Variants in RPS15 observed in about 807,000 individuals in gnomAD.
RPS15 encodes the protein small ribosomal subunit protein uS19.
A neutral mutation model predicts 14.9 loss-of-function variants in RPS15; 5 were observed. The ratio of observed to expected loss-of-function variants is 0.34; its 90% CI spans 0.18 to 0.70. RPS15 has a LOEUF of 0.70. RPS15 is among the 30% of genes least tolerant of loss of function. The probability of loss-of-function intolerance (pLI) is 0.65; values close to 1 mark genes in which losing one functional copy is unlikely to be tolerated. For missense variants in RPS15, 102 were observed against 204.2 expected (o/e 0.50, Z 3.05); for synonymous variants, 103 against 85.0 (o/e 1.21, Z -1.16).
At position 1,438,415 on chromosome 19, in the gene RPS15, G is replaced by C. The variant is rs756190182; in HGVS notation, c.-11G>C. ...GCGGACCAAAGCGATCTCTTCTGAG[G>C]ATCCGGCAAGATGGTGAGTGTTGCG... On this transcript the variant is annotated 5_prime_UTR_variant, in exon 1 of 4. Transcript: ENST00000592588. The surrounding 1 kb of genome is among the most constrained non-coding windows in gnomAD (Gnocchi z 4.8). 5 of 1,613,358 alleles carry C rather than the reference G, an allele frequency of 3.1e-6. No homozygotes were observed. In the East Asian group the frequency reaches 8.9e-5, roughly 29 times the overall value.
rs773307002 is a variant in RPS15, at chr19:1,438,567, G to C, written c.3+139G>C. On this transcript the variant is annotated intron_variant, in intron 1 of 3. Transcript: ENST00000592588. The surrounding 1 kb of genome is among the most constrained non-coding windows in gnomAD (Gnocchi z 4.8). ...CCTGCAGGCGGCTGGATGTTGGGGC[G>C]AGGGGCGGACTTGGTGGGTGTCGGG... 1 of 1,565,978 alleles carries C rather than the reference G, an allele frequency of 6.4e-7. No homozygotes were observed.
chr19:1,438,971 G>A lies in RPS15; in HGVS notation c.89+79G>A. ...TCCGGGTGAGGGCGGCGGGGCGGGG[G>A]TCCAAGCGCCTCTGCGGCGGTGGGC... On this transcript the variant is annotated intron_variant, in intron 2 of 3. Coordinates refer to ENST00000592588, the MANE Select transcript of RPS15 (RefSeq NM_001018.5). The surrounding 1 kb of genome is among the most constrained non-coding windows in gnomAD (Gnocchi z 4.8). The A allele has an allele frequency of 3.2e-6, 4 of 1,243,748 alleles. No individual in the cohort carries two copies. Among genetic ancestry groups the A allele is most frequent in the Non-Finnish European group, 4.5e-6 (4 of 881,342 alleles). The allele number at this position is 1,243,748 out of a possible 1,614,324, so 77.0% of individuals were successfully genotyped here. A position where few individuals can be genotyped will look rare whatever the true frequency, so the allele number is the denominator to read the frequency against.
Position 1,438,950 on chromosome 19 carries a change from G to A in RPS15, c.89+58G>A. ...CTGGGCCAGCGGTGGGGCTTGTCCG[G>A]GTGAGGGCGGCGGGGCGGGGGTCCA... On this transcript the variant is annotated intron_variant, in intron 2 of 3. Transcript: ENST00000592588. The surrounding 1 kb of genome is among the most constrained non-coding windows in gnomAD (Gnocchi z 4.8). 1 of 1,472,676 alleles carries A rather than the reference G, an allele frequency of 6.8e-7. No individual in the cohort carries two copies. Among genetic ancestry groups the A allele is most frequent in the South Asian group, 1.2e-5 (1 of 82,146 alleles). The allele number at this position is 1,472,676 out of a possible 1,614,324, so 91.2% of individuals were successfully genotyped here.
chr19:1,439,855 C>T (rs1301514565), intron 2 of RPS15, 164 bp from the exon 3 acceptor site: 12 of 676,666 alleles, frequency 1.8e-5, no homozygotes, highest in African/African-American at 5.3e-5. Context: ...GCGGGGGTGC[C>T]AGAGGGACTT....
intron 2 of RPS15, chr19:1,439,601 T>A (rs2083636754): frequency 4.5e-6 from 2 of 445,966 alleles, no homozygotes; most frequent in South Asian, 2.9e-5. Flanking sequence ...CTCTGTGTCG[T>A]CCAGGTTGGT....
rs1395131026 is a variant in RPS15, at chr19:1,438,919, C to T, written c.89+27C>T. On this transcript the variant is annotated intron_variant, in intron 2 of 3. Coordinates refer to ENST00000592588, the MANE Select transcript of RPS15 (RefSeq NM_001018.5). This position sits in a 1 kb window ranked among gnomAD's most constrained non-coding sequence, Gnocchi z 4.8. Reference sequence around the variant, plus strand: ...TAAGGGCGGCCGCGGGGGTCGCGGGCAGGGGCTGGGCCAGCGGTGGGGCTT... The same window carrying T: ...TAAGGGCGGCCGCGGGGGTCGCGGGTAGGGGCTGGGCCAGCGGTGGGGCTT... 1.3e-6 allele frequency: 2 copies of T among 1,548,466 alleles called. 1 individual carries two copies. Among genetic ancestry groups the T allele is most frequent in the South Asian group, 2.4e-5 (2 of 84,778 alleles).
intron 2 of RPS15, chr19:1,439,675 G>C: frequency 3.5e-6 from 2 of 570,082 alleles, no homozygotes; most frequent in Admixed American, 3.1e-5. Flanking sequence ...GATCACAGGC[G>C]GGAGCCACTG....
chr19:1,438,754 C>T lies in RPS15; in HGVS notation c.4-53C>T, dbSNP rs1227975212. On this transcript the variant is annotated intron_variant, in intron 1 of 3. Transcript: ENST00000592588. The surrounding 1 kb of genome is among the most constrained non-coding windows in gnomAD (Gnocchi z 4.8). ...TCCGCGGTGTCCTCGGGCCCGGTGG[C>T]CCCGGGAGATGGGTGTCGGGATCCC... 2.1e-5 allele frequency: 32 copies of T among 1,551,184 alleles called. No homozygotes were observed. The highest frequency in any genetic ancestry group is 2.6e-5 in the Non-Finnish European group (30 of 1,146,378).
rs761945581 is a variant in RPS15 at position 1,438,496 on chromosome 19, C to T, written c.3+68C>T. ...CTCCATCCAACCTCTGACCGTCTCG[C>T]GGGGGCCGCAGTTCGTCCCCGCGGC... On this transcript the variant is annotated intron_variant, in intron 1 of 3. Coordinates refer to ENST00000592588, the MANE Select transcript of RPS15 (RefSeq NM_001018.5). This position sits in a 1 kb window ranked among gnomAD's most constrained non-coding sequence, Gnocchi z 4.8. 7 of 1,611,528 alleles carry T rather than the reference C, an allele frequency of 4.3e-6. No homozygotes were observed. Among genetic ancestry groups the T allele is most frequent in the Non-Finnish European group, 4.2e-6 (5 of 1,179,296 alleles).
At position 1,438,601 on chromosome 19, in the gene RPS15, G is replaced by A. The variant is rs768118917; in HGVS notation, c.3+173G>A. On this transcript the variant is annotated intron_variant, in intron 1 of 3. Transcript: ENST00000592588. The surrounding 1 kb of genome is among the most constrained non-coding windows in gnomAD (Gnocchi z 4.8). ...ACTTGGTGGGTGTCGGGACGACGCG[G>A]GGCTGGGAAGGCCTGTCCGGGCCTT... The A allele has an allele frequency of 6.5e-7, 1 of 1,542,102 alleles. No homozygotes were observed. Among genetic ancestry groups the A allele is most frequent in the South Asian group, 1.2e-5 (1 of 83,664 alleles).
Position 1,438,619 on chromosome 19 carries a change from C to G in RPS15, c.4-188C>G. 6.5e-7 allele frequency: 1 copy of G among 1,534,692 alleles called. No individual in the cohort carries two copies. Among genetic ancestry groups the G allele is most frequent in the Non-Finnish European group, 8.8e-7 (1 of 1,136,884 alleles). On this transcript the variant is annotated intron_variant, in intron 1 of 3. Coordinates refer to ENST00000592588, the MANE Select transcript of RPS15 (RefSeq NM_001018.5). The surrounding 1 kb of genome is among the most constrained non-coding windows in gnomAD (Gnocchi z 4.8). ...CGACGCGGGGCTGGGAAGGCCTGTCCGGGCCTTCATGTCCGGGTCCTCGTA... is the reference window on the plus strand; with the variant it reads ...CGACGCGGGGCTGGGAAGGCCTGTCGGGGCCTTCATGTCCGGGTCCTCGTA...
rs566529595 is a variant in RPS15 at position 1,438,440 on chromosome 19, G to T, written c.3+12G>T. The T allele has an allele frequency of 7.4e-6, 12 of 1,613,310 alleles. No individual in the cohort carries two copies. The highest frequency in any genetic ancestry group is 1.1e-5 in the South Asian group (1 of 91,086). On this transcript the variant is annotated intron_variant, in intron 1 of 3. Transcript: ENST00000592588. The surrounding 1 kb of genome is among the most constrained non-coding windows in gnomAD (Gnocchi z 4.8). ...GATCCGGCAAGATGGTGAGTGTTGCGATTTGGCGCGTCTCTGCCGGGCCTA... is the reference window on the plus strand; with the variant it reads ...GATCCGGCAAGATGGTGAGTGTTGCTATTTGGCGCGTCTCTGCCGGGCCTA...
rs140976665 is a variant in RPS15, at chr19:1,439,618, C to G, written c.90-401C>G. The G allele has an allele frequency of 2.8e-3, 1,392 of 491,020 alleles. 6 individuals carry two copies. The highest frequency in any genetic ancestry group is 3.7e-3 in the Non-Finnish European group (1,012 of 273,442). 30.4% of individuals were successfully genotyped at this position (491,020 alleles called of 1,614,324 possible). On this transcript the variant is annotated intron_variant, in intron 2 of 3. Transcript: ENST00000592588. Reference sequence around the variant, plus strand: ...CTGTGTCGTCCAGGTTGGTCTTGAACTCCTGGGCTCAAGCGACCCTCCCGC... The same window carrying G: ...CTGTGTCGTCCAGGTTGGTCTTGAAGTCCTGGGCTCAAGCGACCCTCCCGC...
intron 2 of RPS15, chr19:1,439,104 CTT>C (rs916871838): frequency 6.4e-5 from 35 of 549,126 alleles, no homozygotes; most frequent in Non-Finnish European, 1.0e-4. Flanking sequence ...CCGTTGTTCA[CTT>C]TTCCGCGGCT....
intron 2 of RPS15, chr19:1,439,664 G>C (rs2083637318): frequency 3.6e-6 from 2 of 560,298 alleles, no homozygotes; most frequent in Non-Finnish European, 6.4e-6. Flanking sequence ...CGAAGTGCTG[G>C]GATCACAGGC....
In RPS15 at chr19:1,439,655, G is replaced by A. The variant is rs2083637265; in HGVS notation, c.90-364G>A. 3.7e-6 allele frequency: 2 copies of A among 545,666 alleles called. 1 individual carries two copies. Among genetic ancestry groups the A allele is most frequent in the South Asian group, 4.7e-5 (2 of 42,180 alleles). 33.8% of individuals were successfully genotyped at this position (545,666 alleles called of 1,614,324 possible). A position where few individuals can be genotyped will look rare whatever the true frequency, so the allele number is the denominator to read the frequency against. On this transcript the variant is annotated intron_variant, in intron 2 of 3. Coordinates refer to ENST00000592588, the MANE Select transcript of RPS15 (RefSeq NM_001018.5). ...AGCGACCCTCCCGCCTCAACCTCCCGAAGTGCTGGGATCACAGGCGGGAGC... is the reference window on the plus strand; with the variant it reads ...AGCGACCCTCCCGCCTCAACCTCCCAAAGTGCTGGGATCACAGGCGGGAGC...
Position 1,438,798 on chromosome 19 carries a change from C to A in RPS15, c.4-9C>A. On this transcript the variant is annotated splice_polypyrimidine_tract_variant and intron_variant, in intron 1 of 3. Coordinates refer to ENST00000592588, the MANE Select transcript of RPS15 (RefSeq NM_001018.5). This position sits in a 1 kb window ranked among gnomAD's most constrained non-coding sequence, Gnocchi z 4.8. Reference sequence around the variant, plus strand: ...GGATCCCGCTGACGCCCGATCCGCGCCCGCACAGGCAGAAGTAGAGCAGAA... The same window carrying A: ...GGATCCCGCTGACGCCCGATCCGCGACCGCACAGGCAGAAGTAGAGCAGAA... The A allele has an allele frequency of 6.3e-7, 1 of 1,586,678 alleles. No homozygotes were observed.
At chr19:1,439,653 C>T (rs1001247032) in intron 2 of RPS15, 1 of 547,082 alleles carries the variant, frequency 1.8e-6, no homozygotes, top group African/African-American at 1.9e-5. Flanking sequence ...CCTCAACCTC[C>T]CGAAGTGCTG....
At position 1,438,408 on chromosome 19, in the gene RPS15, T is replaced by G; in HGVS notation, c.-18T>G. On this transcript the variant is annotated 5_prime_UTR_variant, in exon 1 of 4. Transcript: ENST00000592588. The surrounding 1 kb of genome is among the most constrained non-coding windows in gnomAD (Gnocchi z 4.8). The stretch of plus-strand genomic sequence containing the variant: ...CGCAGGCGCGGACCAAAGCGATCTC[T>G]TCTGAGGATCCGGCAAGATGGTGAG... 6.2e-7 allele frequency: 1 copy of G among 1,613,436 alleles called. No homozygotes were observed. Among genetic ancestry groups the G allele is most frequent in the Non-Finnish European group, 8.5e-7 (1 of 1,179,886 alleles).
Sources: allele counts gnomAD v4.1 joint callset, GRCh38; gene constraint gnomAD v4.1.1; non-coding constraint Gnocchi (gnomAD v3.1); transcripts MANE v1.5; gene names NCBI Gene and HGNC (gene_info 2026-07-23, HGNC 2026-07-21).